ERCC5: variants seen among roughly 807,000 people sequenced by gnomAD.
The protein encoded by ERCC5 is DNA excision repair protein ERCC-5.
In ERCC5, 68 loss-of-function variants were observed where a neutral mutation model predicts 105.6. That is an observed-to-expected ratio of 0.64 (90% confidence interval 0.53 to 0.79). The LOEUF (loss-of-function observed/expected upper bound fraction) is 0.79, where lower values mean the gene tolerates loss of function less well. Among genes scored for constraint, ERCC5 ranks in the 30% least tolerant of loss-of-function variants. ERCC5 has a pLI of 0.00. For synonymous variants in ERCC5, 546 were observed against 526.2 expected, an observed-to-expected ratio of 1.04 and a Z score of -0.51; for missense variants, 1,373 against 1,426.7, an observed-to-expected ratio of 0.96 and a Z score of 0.61.
intron 5 of ERCC5, among the ~76,000 whole-genome samples, chr13:102,856,859 T>C (rs1449892534): frequency 6.6e-6 from 1 of 152,254 alleles, no homozygotes; most frequent in African/African-American, 2.4e-5. Context: ...GTATTCCCAG[T>C]GTGGGCATCC....
chr13:102,848,091 C>T (rs890956683), intron 1 of ERCC5, among the ~76,000 whole-genome samples: 17 of 152,008 alleles, frequency 1.1e-4, no homozygotes, highest in African/African-American at 7.3e-5. Context: ...CCCAGGCGGT[C>T]AAGGCTGCAA....
chr13:102,873,370 G>A (rs369841075), intron 14 of ERCC5, 27 bp downstream of exon 14: 1 of 1,613,374 alleles, frequency 6.2e-7, no homozygotes, highest in African/African-American at 1.3e-5. Context: ...CTTCTCCTAA[G>A]TTCAGGATGA....
chr13:102,869,955 T>A (rs1057429150), intron 12 of ERCC5, among the ~76,000 whole-genome samples: 2 of 152,262 alleles, frequency 1.3e-5, no homozygotes, highest in African/African-American at 4.8e-5. Flanking sequence ...TTGAGCAGTT[T>A]CTGCCTTTGG....
At chr13:102,849,719 C>A (rs556027988) in intron 1 of ERCC5, among the ~76,000 whole-genome samples, 1 of 152,090 alleles carries the variant, frequency 6.6e-6, no homozygotes, top group African/African-American at 2.4e-5. Flanking sequence ...CCGGGCAAGC[C>A]ATGGAGCACA....
chr13:102,851,293 C>T (rs181004401), intron 1 of ERCC5, among the ~76,000 whole-genome samples: 12 of 152,122 alleles, frequency 7.9e-5, no homozygotes, highest in Admixed American at 7.2e-4. Flanking sequence ...ATAGGTCTGC[C>T]ATAATTAGTT....
Position 102,846,242 on chromosome 13 carries a change from T to C in ERCC5, c.-25T>C, listed in dbSNP as rs1362671758. On this transcript the variant is annotated 5_prime_UTR_variant, in exon 1 of 15. Transcript: ENST00000652225. ...AGAATTAGAGTAGAAGTTGTCGGGG[T>C]CCGCTCTTAGGACGCAGCCGCCTCA... 1 of 1,601,882 alleles carries C rather than the reference T, an allele frequency of 6.2e-7. No homozygotes were observed. The highest frequency in any genetic ancestry group is 8.5e-7 in the Non-Finnish European group (1 of 1,171,456).
chr13:102,874,561 T>A (rs61967462), intron 14 of ERCC5, among the ~76,000 whole-genome samples: 4 of 152,254 alleles, frequency 2.6e-5, no homozygotes, highest in Middle Eastern at 3.4e-3. Context: ...TCACTCTGTC[T>A]CCCAGGCTGG....
chr13:102,847,755 T>C (rs562060049), intron 1 of ERCC5, among the ~76,000 whole-genome samples: 1 of 152,318 alleles, frequency 6.6e-6, no homozygotes, highest in African/African-American at 2.4e-5. Flanking sequence ...CATTGCAGTC[T>C]AAAGATTTTC....
chr13:102,866,113 T>C, intron 9 of ERCC5, 149 bp from the exon 10 acceptor site: 1 of 1,449,762 alleles, frequency 6.9e-7, no homozygotes, highest in Non-Finnish European at 9.5e-7. Context: ...TCTAAAGATA[T>C]TACAGAGTCT....
At position 102,875,488 on chromosome 13, in the gene ERCC5, A is replaced by G. The variant is rs769608352; in HGVS notation, c.3146A>G (p.Asp1049Gly). 5.6e-6 allele frequency: 9 copies of G among 1,614,074 alleles called. No homozygotes were observed. Among genetic ancestry groups the G allele is most frequent in the South Asian group, 1.1e-5 (1 of 91,084 alleles). Residue 1049 changes from aspartate to glycine, a missense_variant, in exon 15 of 15, where the codon GAT becomes GGT. Coordinates refer to ENST00000652225, the MANE Select transcript of ERCC5 (RefSeq NM_000123.4). ...VAMEKEFELL[D>G]KAKGKTQKRG... is the part of the protein sequence containing the mutation. The stretch of plus-strand genomic sequence containing the variant: ...ATGGAGAAAGAATTTGAGCTACTTG[A>G]TAAGGCAAAAGGAAAAACCCAGAAG...
At chr13:102,864,163 CACAAT>C (rs1882750410) in intron 8 of ERCC5, among the ~76,000 whole-genome samples, 3 of 149,324 alleles carry the variant, frequency 2.0e-5, no homozygotes, top group African/African-American at 7.5e-5. Flanking sequence ...CACACACACA[CACAAT>C]TTGTTCCTGG....
intron 12 of ERCC5, among the ~76,000 whole-genome samples, chr13:102,871,222 C>T (rs1031755529): frequency 6.6e-5 from 10 of 152,154 alleles, no homozygotes; most frequent in Admixed American, 6.5e-4. Context: ...GCAGGAGGTC[C>T]AGGGGACAGG....
Position 102,862,103 on chromosome 13 carries a change from T to A in ERCC5, c.954T>A (p.Ser318=). Reference sequence around the variant, plus strand: ...CTTCCAGCAAAATGCACGGCATGTCTTTTGACGTGAAGTCATCTCCATGTG... The same window carrying A: ...CTTCCAGCAAAATGCACGGCATGTCATTTGACGTGAAGTCATCTCCATGTG... ...LPSSSKMHGM[S]FDVKSSPCEK... is the part of the protein sequence containing the mutation. Residue 318 remains serine, a synonymous_variant, in exon 8 of 15, where the codon TCT becomes TCA. Coordinates refer to ENST00000652225, the MANE Select transcript of ERCC5 (RefSeq NM_000123.4). 1 of 1,614,232 alleles carries A rather than the reference T, an allele frequency of 6.2e-7. No homozygotes were observed. Among genetic ancestry groups the A allele is most frequent in the Non-Finnish European group, 8.5e-7 (1 of 1,180,032 alleles).
At chr13:102,863,230 GATGAA>G (rs761689826) in intron 8 of ERCC5, 127 bp downstream of exon 8, 123 of 1,122,852 alleles carry the variant, frequency 1.1e-4, no homozygotes, top group Non-Finnish European at 1.5e-4. Flanking sequence ...TAGAAAGAAA[GATGAA>G]ATGACTTTCC....
rs894604271 is a variant in ERCC5, at chr13:102,862,380, A to G, written c.1231A>G (p.Thr411Ala). 6.2e-7 allele frequency: 1 copy of G among 1,614,170 alleles called. No individual in the cohort carries two copies. Among genetic ancestry groups the G allele is most frequent in the Non-Finnish European group, 8.5e-7 (1 of 1,180,020 alleles). Reference sequence around the variant, plus strand: ...AGTGTGTGCTGGGGATGATGTGCAGACGGGAGGGCCAGGAGCAGAAGAAAT... The same window carrying G: ...AGTGTGTGCTGGGGATGATGTGCAGGCGGGAGGGCCAGGAGCAGAAGAAAT... ...VKVCAGDDVQ[T>A]GGPGAEEMRI... is the part of the protein sequence containing the mutation. Residue 411 changes from threonine to alanine, a missense_variant, in exon 8 of 15, where the codon ACG becomes GCG. Thr to Ala is a moderately conservative substitution (Grantham distance 58). Transcript: ENST00000652225.
At position 102,862,021 on chromosome 13, in the gene ERCC5, C is replaced by T; in HGVS notation, c.881-9C>T. 6.2e-7 allele frequency: 1 copy of T among 1,614,066 alleles called. No individual in the cohort carries two copies. The highest frequency in any genetic ancestry group is 1.3e-5 in the African/African-American group (1 of 75,052). On this transcript the variant is annotated splice_polypyrimidine_tract_variant and intron_variant, in intron 7 of 14. Coordinates refer to ENST00000652225, the MANE Select transcript of ERCC5 (RefSeq NM_000123.4). ...CTGAATGGTGAGAAGTGTTTTAATT[C>T]TTCTTAAGGTATTCAAGCTAAGACA...
chr13:102,873,177 C>T, intron 13 of ERCC5, 82 bp from the exon 14 acceptor site: 9 of 1,557,522 alleles, frequency 5.8e-6, no homozygotes, highest in Non-Finnish European at 7.9e-6. Flanking sequence ...GGAATGGAAT[C>T]AAGAATGGGT....
At chr13:102,870,743 C>A (rs750780424) in intron 12 of ERCC5, among the ~76,000 whole-genome samples, 1 of 152,118 alleles carries the variant, frequency 6.6e-6, no homozygotes, top group Non-Finnish European at 1.5e-5. Flanking sequence ...TTAGTAATTT[C>A]CAACGCTAGA....
chr13:102,849,579 A>G (rs11302962), intron 1 of ERCC5: 1 of 337,058 alleles, frequency 3.0e-6, no homozygotes, highest in Non-Finnish European at 5.4e-6. Context: ...ATGGACCTAC[A>G]TTTTTTTTTA....
Sources: allele counts gnomAD v4.1 joint callset (sites outside exome capture counted in the v4.1 genomes callset), GRCh38; gene constraint gnomAD v4.1.1; transcripts MANE v1.5; gene names NCBI Gene and HGNC (gene_info 2026-07-23, HGNC 2026-07-21).